CLINT1: variants seen among roughly 807,000 people sequenced by gnomAD.
CLINT1 encodes clathrin interactor 1.
Under a neutral mutation model 70.4 loss-of-function variants are expected in CLINT1, and 15 were observed. The observed-to-expected ratio is 0.21, with a 90% CI of 0.14 to 0.33. The LOEUF (loss-of-function observed/expected upper bound fraction) is 0.33, where lower values mean the gene tolerates loss of function less well. Among genes scored for constraint, CLINT1 ranks in the 10% least tolerant of loss-of-function variants. CLINT1 has a pLI of 1.00. For synonymous variants in CLINT1, 227 were observed against 254.7 expected (o/e 0.89, Z 1.04); for missense variants, 615 against 778.1 (o/e 0.79, Z 2.49).
chr5:157,816,362 A>G (rs1357132135), intron 3 of CLINT1, among the ~76,000 whole-genome samples: 1 of 152,208 alleles, frequency 6.6e-6, no homozygotes, highest in Non-Finnish European at 1.5e-5. Flanking sequence ...GAATACTATC[A>G]TAAATTAGGT....
chr5:157,823,591 T>C (rs762573464), intron 1 of CLINT1: 11 of 175,124 alleles, frequency 6.3e-5, no homozygotes, highest in Non-Finnish European at 1.0e-4. Flanking sequence ...TTTAAAACTG[T>C]TAGGGATGAA....
At chr5:157,808,303 T>C (rs1423168552) in intron 6 of CLINT1, among the ~76,000 whole-genome samples, 2 of 152,020 alleles carry the variant, frequency 1.3e-5, no homozygotes, top group African/African-American at 4.8e-5. Flanking sequence ...ACTAATTAGA[T>C]TGTATTTTTG....
At chr5:157,795,194 A>G in intron 8 of CLINT1, 1 of 503,612 alleles carries the variant, frequency 2.0e-6, no homozygotes, top group Non-Finnish European at 3.5e-6. Flanking sequence ...AGTAAGATAA[A>G]TGACACTGTA....
intron 1 of CLINT1, among the ~76,000 whole-genome samples, chr5:157,853,777 CAAA>C (rs11316474): frequency 7.1e-4 from 34 of 48,034 alleles, no homozygotes; most frequent in African/African-American, 1.2e-3. Context: ...GACACCATCT[CAAA>C]AAAAAAAAAA....
rs180918874 is a variant in CLINT1, at chr5:157,787,801, T to C, written c.1723A>G (p.Ser575Gly). ...PLGNTPMMNQ[S>G]MMGMNMNIGM... ...ATGTTCATGTTCATGCCCATCATGCTCTGGTTCATCATCGGAGTATTTCCA... is the reference window on the plus strand; with the variant it reads ...ATGTTCATGTTCATGCCCATCATGCCCTGGTTCATCATCGGAGTATTTCCA... Residue 575 changes from serine (S) to glycine (G), a missense_variant, in exon 12 of 12, where the codon AGC (serine) becomes GGC (glycine). By Grantham distance (56) the Ser-to-Gly change is moderately conservative. This residue lies in a region of CLINT1 where 374 missense variants were observed against 409.6 expected (regional missense o/e 0.91). Coordinates refer to ENST00000411809, the MANE Select transcript of CLINT1 (RefSeq NM_014666.4). 5.6e-6 allele frequency: 9 copies of C among 1,614,008 alleles called. No individual in the cohort carries two copies. Among genetic ancestry groups the C allele is most frequent in the Middle Eastern group, 1.6e-4 (1 of 6,062 alleles).
At chr5:157,814,900 G>A (rs965558219) in intron 3 of CLINT1, among the ~76,000 whole-genome samples, 2 of 151,796 alleles carry the variant, frequency 1.3e-5, no homozygotes, top group Non-Finnish European at 2.9e-5. Flanking sequence ...GGGCATGGTG[G>A]CCCACGCCTG....
In CLINT1 at chr5:157,786,262, G is replaced by A. The variant is rs1225177149; in HGVS notation, c.*1384C>T. On this transcript the variant is annotated 3_prime_UTR_variant, in exon 12 of 12. Coordinates refer to ENST00000411809, the MANE Select transcript of CLINT1 (RefSeq NM_014666.4). ...CCCAAATGGTCTCAAATGTCTAACAGAACGAAAGAAAAAGCAGTTCAACAT... is the reference window on the plus strand; with the variant it reads ...CCCAAATGGTCTCAAATGTCTAACAAAACGAAAGAAAAAGCAGTTCAACAT... The A allele has an allele frequency of 6.6e-6, 1 of 152,026 alleles. No homozygotes were observed. Among genetic ancestry groups the A allele is most frequent in the African/African-American group, 2.4e-5 (1 of 41,338 alleles). 9.4% of individuals were successfully genotyped at this position (152,026 alleles called of 1,614,324 possible). A position where few individuals can be genotyped will look rare whatever the true frequency, so the allele number is the denominator to read the frequency against.
At chr5:157,798,696 C>T (rs1254116707) in intron 8 of CLINT1, among the ~76,000 whole-genome samples, 2 of 151,788 alleles carry the variant, frequency 1.3e-5, no homozygotes, top group Non-Finnish European at 2.9e-5. Context: ...TAACAACTGG[C>T]CTATAAAAAT....
chr5:157,809,786 C>T lies in CLINT1; in HGVS notation c.537G>A (p.Glu179=). Residue 179 remains glutamate (E), a synonymous_variant, in exon 6 of 12, where the codon GAG becomes GAA. Coordinates refer to ENST00000411809, the MANE Select transcript of CLINT1 (RefSeq NM_014666.4). ...GFRYSERYDP[E]PKSKWDEEWD... ...ACTCCTCATCCCATTTTGATTTGGGCTCAGGATCATATCTTTCACCTAGAT... is the reference window on the plus strand; with the variant it reads ...ACTCCTCATCCCATTTTGATTTGGGTTCAGGATCATATCTTTCACCTAGAT... 1 of 1,612,478 alleles carries T rather than the reference C, an allele frequency of 6.2e-7. No homozygotes were observed. The highest frequency in any genetic ancestry group is 8.5e-7 in the Non-Finnish European group (1 of 1,179,232).
intron 1 of CLINT1, among the ~76,000 whole-genome samples, chr5:157,841,038 G>T (rs767168553): frequency 6.6e-6 from 1 of 152,184 alleles, no homozygotes; most frequent in Non-Finnish European, 1.5e-5. Context: ...AAGGCAGGCA[G>T]ATTGCTTGAG....
intron 1 of CLINT1, among the ~76,000 whole-genome samples, chr5:157,827,476 G>A (rs2113250538): frequency 6.6e-6 from 1 of 152,286 alleles, no homozygotes; most frequent in Admixed American, 6.5e-5. Context: ...AACCAGGATA[G>A]TGGTGGGATT....
chr5:157,799,310 GGTGA>G (rs1474888148), intron 8 of CLINT1, among the ~76,000 whole-genome samples: 5 of 152,046 alleles, frequency 3.3e-5, no homozygotes, highest in African/African-American at 9.7e-5. Context: ...AATGGAACAA[GGTGA>G]GTATTTACAT....
chr5:157,795,346 C>A, intron 8 of CLINT1: 1 of 167,462 alleles, frequency 6.0e-6, no homozygotes, highest in Non-Finnish European at 1.3e-5. Flanking sequence ...ATAAGATATT[C>A]ACAAGACAAG....
intron 10 of CLINT1, chr5:157,790,660 T>C: frequency 2.2e-6 from 1 of 454,912 alleles, no homozygotes; most frequent in South Asian, 1.6e-5. Flanking sequence ...ATCTACACAT[T>C]AAAATGAGTA....
intron 6 of CLINT1, 129 bp downstream of exon 6, chr5:157,809,497 TAA>T (rs60217753): frequency 0.013 from 6,510 of 495,034 alleles, 9 homozygotes; most frequent in African/African-American, 0.027. Context: ...TGAAGTCTAT[TAA>T]AAAAAAAAAA....
intron 1 of CLINT1, among the ~76,000 whole-genome samples, chr5:157,851,850 T>C (rs914498502): frequency 1.3e-5 from 2 of 152,206 alleles, no homozygotes; most frequent in Non-Finnish European, 2.9e-5. Context: ...TAGCTATAAA[T>C]TGGCTCAAAC....
rs1761726773 is a variant in CLINT1, at chr5:157,786,358, A to C, written c.*1288T>G. 6.6e-6 allele frequency: 1 copy of C among 152,300 alleles called. No homozygotes were observed. The highest frequency in any genetic ancestry group is 2.4e-5 in the African/African-American group (1 of 41,440). 9.4% of individuals were successfully genotyped at this position (152,300 alleles called of 1,614,324 possible). A position where few individuals can be genotyped will look rare whatever the true frequency, so the allele number is the denominator to read the frequency against. ...AATATAATGGAAATAAAGTTTTATCAATTTAATAAAAAAATTTTCAACATA... is the reference window on the plus strand; with the variant it reads ...AATATAATGGAAATAAAGTTTTATCCATTTAATAAAAAAATTTTCAACATA... On this transcript the variant is annotated 3_prime_UTR_variant, in exon 12 of 12. Transcript: ENST00000411809.
chr5:157,835,255 G>A (rs150817707), intron 1 of CLINT1, among the ~76,000 whole-genome samples: 6 of 152,310 alleles, frequency 3.9e-5, no homozygotes, highest in South Asian at 2.1e-4. Context: ...AAAAAAATGC[G>A]TGTGAGATAA....
chr5:157,842,135 A>G (rs1753209779), intron 1 of CLINT1, among the ~76,000 whole-genome samples: 2 of 152,336 alleles, frequency 1.3e-5, no homozygotes, highest in Admixed American at 1.3e-4. Flanking sequence ...ACTTTTACCG[A>G]ATGTTGATAA....
Sources: gnomAD v4.1 joint callset for allele counts (sites outside exome capture counted in the v4.1 genomes callset) on GRCh38, gnomAD v4.1.1 for gene constraint, gnomAD v4.1.1 regional missense constraint, MANE v1.5 for transcripts, NCBI Gene and HGNC (gene_info 2026-07-23, HGNC 2026-07-21) for gene names.